SOBP: variants seen among roughly 807,000 people sequenced by gnomAD.
SOBP encodes sine oculis binding protein homolog, also known as sine oculis-binding protein homolog.
SOBP carries 4 observed loss-of-function variants against 53.6 expected under a neutral mutation model. That is an observed-to-expected ratio of 0.07 (90% CI 0.04 to 0.17). SOBP has a LOEUF of 0.17. Among genes scored for constraint, SOBP ranks in the 10% least tolerant of loss-of-function variants. The pLI is 1.00. For missense variants in SOBP, 1,088 were observed against 1,204.7 expected (o/e 0.90, Z 1.43); for synonymous variants, 584 against 522.6 (o/e 1.12, Z -1.60).
rs146204865 is a variant in SOBP, at chr6:107,657,834, C to T, written c.*4-373C>T. ...CCAGCTTGGGCAACAGAGCGAGACC[C>T]TGTCTCAAAAAAAAAAAAAAGCCTC... is the stretch of plus-strand genomic sequence containing the variant. On this transcript the variant is annotated intron_variant, in intron 6 of 6. Coordinates refer to ENST00000317357, the MANE Select transcript of SOBP (RefSeq NM_018013.4). 9.2e-3 allele frequency among the ~76,000 whole-genome samples: 1,377 copies of T among 149,518 alleles called. 29 individuals carry two copies. Among genetic ancestry groups the T allele is most frequent in the African/African-American group, 0.032 (1,283 of 40,486 alleles).
At chr6:107,629,148 A>G (rs890065211) in intron 5 of SOBP, among the ~76,000 whole-genome samples, 1 of 152,136 alleles carries the variant, frequency 6.6e-6, no homozygotes, top group Non-Finnish European at 1.5e-5. Context: ...ATTAGTAGAC[A>G]GTCAGATGAA....
At position 107,533,585 on chromosome 6, in the gene SOBP, G is replaced by A. The variant is rs762048832; in HGVS notation, c.548G>A (p.Arg183Gln). Reference sequence around the variant, plus strand: ...AGCGAGAAGTGCTTTGCGGCCTGCCGACGAGCCTACTTCAAGAGAAATAAG... The same window carrying A: ...AGCGAGAAGTGCTTTGCGGCCTGCCAACGAGCCTACTTCAAGAGAAATAAG... ...FCSEKCFAAC[R>Q]RAYFKRNKAR... is the part of the protein sequence containing the mutation. The change falls in exon 4 of 7, where the codon CGA becomes CAA. Residue 183 changes from arginine to glutamine, a missense_variant. Physicochemically the swap from Arg to Gln is conservative, Grantham distance 43 (BLOSUM62 1). Transcript: ENST00000317357. 4 of 1,614,014 alleles carry A rather than the reference G, an allele frequency of 2.5e-6. No individual in the cohort carries two copies. The highest frequency in any genetic ancestry group is 3.4e-6 in the Non-Finnish European group (4 of 1,180,006).
At chr6:107,609,671 G>A (rs911871472) in intron 5 of SOBP, among the ~76,000 whole-genome samples, 30 of 152,150 alleles carry the variant, frequency 2.0e-4, no homozygotes, top group Non-Finnish European at 3.7e-4. Context: ...CAGCCCTGGT[G>A]AGGGGGTAAT....
intron 4 of SOBP, among the ~76,000 whole-genome samples, chr6:107,541,863 G>A (rs1784156171): frequency 6.6e-6 from 1 of 151,998 alleles, no homozygotes; most frequent in Admixed American, 6.6e-5. Flanking sequence ...AAGAAAAAGG[G>A]GAATTTGCCC....
chr6:107,532,500 A>C (rs542223558), intron 3 of SOBP, among the ~76,000 whole-genome samples: 4 of 151,936 alleles, frequency 2.6e-5, no homozygotes, highest in Non-Finnish European at 5.9e-5. Context: ...TACTGAATAT[A>C]TTTTACTAAT....
At chr6:107,627,567 T>A (rs113614337) in intron 5 of SOBP, among the ~76,000 whole-genome samples, 4 of 152,142 alleles carry the variant, frequency 2.6e-5, no homozygotes, top group African/African-American at 9.7e-5. Flanking sequence ...AGCCTCTCCT[T>A]GAGCTCCAAA....
At chr6:107,605,571 T>C (rs1786343143) in intron 5 of SOBP, among the ~76,000 whole-genome samples, 1 of 152,208 alleles carries the variant, frequency 6.6e-6, no homozygotes, top group South Asian at 2.1e-4. Context: ...GGACCCACTG[T>C]CTCTGCTGTC....
rs796537717 is a variant in SOBP at position 107,615,392 on chromosome 6, A to G, written c.670-18122A>G. Among the ~76,000 whole-genome samples, 34 of 152,206 alleles carry G rather than the reference A, an allele frequency of 2.2e-4. 1 individual carries two copies. Among genetic ancestry groups the G allele is most frequent in the African/African-American group, 7.7e-4 (32 of 41,538 alleles). ...TTTTAGGTATTTTCTAGGGATTATT[A>G]CTCTGTTTTCCAAGTCACTTGGAAA... On this transcript the variant is annotated intron_variant, in intron 5 of 6. Transcript: ENST00000317357.
chr6:107,621,122 C>A, intron 5 of SOBP: 1 of 847,958 alleles, frequency 1.2e-6, no homozygotes. Context: ...TATGATAGTA[C>A]TATTGAGCCA....
At chr6:107,614,010 T>C (rs564463621) in intron 5 of SOBP, among the ~76,000 whole-genome samples, 1 of 152,268 alleles carries the variant, frequency 6.6e-6, no homozygotes, top group East Asian at 1.9e-4. Flanking sequence ...TTCAGAAGTA[T>C]GTTGTGTTTC....
chr6:107,569,529 G>A (rs1445138967), intron 4 of SOBP, among the ~76,000 whole-genome samples: 2 of 152,124 alleles, frequency 1.3e-5, no homozygotes, highest in Admixed American at 6.5e-5. Flanking sequence ...TGAAGCACAC[G>A]CCTCAACTTT....
In SOBP at chr6:107,560,163, C is replaced by G. The variant is rs184329961; in HGVS notation, c.573+26553C>G. On this transcript the variant is annotated intron_variant, in intron 4 of 6. Transcript: ENST00000317357. ...TCTACTTAGCAGCTTCCTGCCTTCA[C>G]CCTACCAATCTGTTTTTAAAAAACA... is the stretch of plus-strand genomic sequence containing the variant. 3.9e-4 allele frequency among the ~76,000 whole-genome samples: 59 copies of G among 152,334 alleles called. 1 individual carries two copies. In the East Asian group the frequency reaches 0.01, roughly 26 times the overall value.
At chr6:107,518,765 T>C (rs72943595) in intron 3 of SOBP, among the ~76,000 whole-genome samples, 139 of 147,238 alleles carry the variant, frequency 9.4e-4, no homozygotes, top group Middle Eastern at 7.2e-3. Context: ...TTTTTTTTTT[T>C]CTCAAAAAGA....
chr6:107,555,666 G>A (rs1267748394), intron 4 of SOBP, among the ~76,000 whole-genome samples: 1 of 152,204 alleles, frequency 6.6e-6, no homozygotes, highest in Non-Finnish European at 1.5e-5. Flanking sequence ...TCAGCACTTA[G>A]GAAGCAGTTA....
At chr6:107,527,345 A>G (rs761473086) in intron 3 of SOBP, among the ~76,000 whole-genome samples, 7 of 152,244 alleles carry the variant, frequency 4.6e-5, no homozygotes, top group Non-Finnish European at 1.0e-4. Flanking sequence ...GCTTTTATTA[A>G]TTCTAATGGC....
At chr6:107,584,637 A>G (rs1488785589) in intron 4 of SOBP, among the ~76,000 whole-genome samples, 1 of 152,202 alleles carries the variant, frequency 6.6e-6, no homozygotes. Context: ...GTTCAATAAA[A>G]AAGCAAGTTT....
In SOBP at chr6:107,624,823, G is replaced by A. The variant is rs144847712; in HGVS notation, c.670-8691G>A. On this transcript the variant is annotated intron_variant, in intron 5 of 6. Coordinates refer to ENST00000317357, the MANE Select transcript of SOBP (RefSeq NM_018013.4). ...AAGCTTGCTGTGGGAGATAGGTTGG[G>A]TTTCACCTGCGAAGTTCCTTAGAGT... Among the ~76,000 whole-genome samples, 28 of 152,290 alleles carry A rather than the reference G, an allele frequency of 1.8e-4. No individual in the cohort carries two copies. The East Asian group carries it at 5.2e-3, about 28-fold the overall frequency.
chr6:107,501,102 C>T (rs2114941412), intron 1 of SOBP, among the ~76,000 whole-genome samples: 1 of 152,234 alleles, frequency 6.6e-6, no homozygotes, highest in Admixed American at 6.5e-5. Context: ...TTTATTTACC[C>T]TGACATTTAT....
chr6:107,641,416 T>G lies in SOBP; in HGVS notation c.*3+5947T>G, dbSNP rs149427900. Among the ~76,000 whole-genome samples, 35 of 152,280 alleles carry G rather than the reference T, an allele frequency of 2.3e-4. No individual in the cohort carries two copies. The East Asian group carries it at 5.4e-3, about 23-fold the overall frequency. On this transcript the variant is annotated intron_variant, in intron 6 of 6. Coordinates refer to ENST00000317357, the MANE Select transcript of SOBP (RefSeq NM_018013.4). ...TCCCCAGCACTTGGACCTTCAAAAT[T>G]TGTACGATACAGGGAGACACTGTTC... is the stretch of plus-strand genomic sequence containing the variant.
Sources: gnomAD v4.1 joint callset for allele counts (sites outside exome capture counted in the v4.1 genomes callset) on GRCh38, gnomAD v4.1.1 for gene constraint, MANE v1.5 for transcripts, NCBI Gene and HGNC (gene_info 2026-07-23, HGNC 2026-07-21) for gene names.